The following LCOR variants were observed in gnomAD, a reference collection of about 807,000 sequenced individuals.
LCOR encodes the protein ligand dependent nuclear receptor corepressor, also known as ligand-dependent corepressor.
Under a neutral mutation model 64.4 loss-of-function variants are expected in LCOR, and 14 were observed. The ratio of observed to expected loss-of-function variants is 0.22; its 90% CI spans 0.14 to 0.34. The LOEUF is 0.34. Among genes scored for constraint, LCOR ranks in the 10% least tolerant of loss-of-function variants. LCOR has a pLI of 1.00. For missense variants in LCOR, 1,686 were observed against 1,765.3 expected, an observed-to-expected ratio of 0.96 and a Z score of 0.80; for synonymous variants, 643 against 642.5, an observed-to-expected ratio of 1.00 and a Z score of -0.01.
At chr10:96,952,889 CTGTG>C (rs1847705683) in intron 7 of LCOR, among the ~76,000 whole-genome samples, 1 of 152,076 alleles carries the variant, frequency 6.6e-6, no homozygotes. Context: ...TTCTATAAAA[CTGTG>C]TGACAAAAAA....
intron 4 of LCOR, among the ~76,000 whole-genome samples, chr10:96,933,014 G>C (rs549046518): frequency 6.6e-6 from 1 of 152,100 alleles, no homozygotes; most frequent in African/African-American, 2.4e-5. Context: ...TAAAAAACTG[G>C]TCTAATTGCA....
intron 2 of LCOR, among the ~76,000 whole-genome samples, chr10:96,868,885 A>T (rs1435536054): frequency 6.6e-6 from 1 of 152,108 alleles, no homozygotes; most frequent in African/African-American, 2.4e-5. Flanking sequence ...AAGTTGCTGG[A>T]TAGATGAATT....
chr10:96,983,636 C>T lies in LCOR; in HGVS notation c.3176C>T (p.Ser1059Leu), dbSNP rs991725255. ...TCCTTGGATGCTTCAAAAGTGACTT[C>T]AGAAAAGGAAGCTGCACAAGTAAAC... is the stretch of plus-strand genomic sequence containing the variant. ...LGSLDASKVT[S>L]EKEAAQVNPI... Residue 1059 changes from serine (S) to leucine (L), a missense_variant, in exon 8 of 8, where the codon TCA becomes TTA. By Grantham distance (145) the Ser-to-Leu change is moderately radical. Coordinates refer to ENST00000421806, the MANE Select transcript of LCOR (RefSeq NM_001346516.2). The surrounding 1 kb of genome is among the most constrained non-coding windows in gnomAD (Gnocchi z 4.5). 3 of 1,614,134 alleles carry T rather than the reference C, an allele frequency of 1.9e-6. No homozygotes were observed. In the Admixed American group the frequency reaches 5.0e-5, roughly 27 times the overall value.
At chr10:96,964,351 C>T (rs897606197) in intron 7 of LCOR, 5 of 151,836 alleles carry the variant, frequency 3.3e-5, no homozygotes, top group South Asian at 2.1e-4. Flanking sequence ...GAAACATTCC[C>T]AGCTGTAATG....
chr10:96,933,536 T>C (rs1308509703), intron 4 of LCOR, among the ~76,000 whole-genome samples: 2 of 152,186 alleles, frequency 1.3e-5, no homozygotes, highest in African/African-American at 4.8e-5. Context: ...AAAGACTCTT[T>C]TTGAGATGGA....
Position 96,955,384 on chromosome 10 carries a change from T to C in LCOR, c.332+3188T>C, listed in dbSNP as rs553995782. On this transcript the variant is annotated intron_variant, in intron 7 of 7. Coordinates refer to ENST00000421806, the MANE Select transcript of LCOR (RefSeq NM_001346516.2). ...CATTCATCTCCTGTAGATTTAAAGATACCACAAGTTCGAGGAATGGATCTT... is the reference window on the plus strand; with the variant it reads ...CATTCATCTCCTGTAGATTTAAAGACACCACAAGTTCGAGGAATGGATCTT... 1.9e-6 allele frequency: 3 copies of C among 1,614,204 alleles called. No homozygotes were observed. In the South Asian group the frequency reaches 3.3e-5, roughly 18 times the overall value.
At chr10:96,906,879 T>C (rs556894015) in intron 2 of LCOR, among the ~76,000 whole-genome samples, 1 of 152,310 alleles carries the variant, frequency 6.6e-6, no homozygotes, top group African/African-American at 2.4e-5. Context: ...AAATGCTATT[T>C]AGATTATTTT....
intron 7 of LCOR, chr10:96,956,661 A>T: frequency 2.0e-6 from 2 of 985,906 alleles, no homozygotes; most frequent in South Asian, 9.4e-5. Flanking sequence ...CTGTAATTTC[A>T]TTTGAGATTT....
At chr10:96,962,904 C>T (rs1485155303) in intron 7 of LCOR, 1 of 152,234 alleles carries the variant, frequency 6.6e-6, no homozygotes, top group Non-Finnish European at 1.5e-5. Context: ...AGCTTGTACA[C>T]ACTGTTTAAA....
chr10:96,878,085 A>T (rs142473407), intron 2 of LCOR, among the ~76,000 whole-genome samples: 66 of 152,352 alleles, frequency 4.3e-4, no homozygotes, highest in African/African-American at 1.5e-3. Flanking sequence ...GCAGATTATC[A>T]GTATATGCTA....
rs138068994 is a variant in LCOR, at chr10:96,871,180, T to G, written c.-329-36085T>G. ...CAAGAGATCCTCCTGCCTTAGCCTC[T>G]CAAGTAGCTAGGCTTACAGGCATGT... is the stretch of plus-strand genomic sequence containing the variant. On this transcript the variant is annotated intron_variant, in intron 2 of 7. Coordinates refer to ENST00000421806, the MANE Select transcript of LCOR (RefSeq NM_001346516.2). 5.9e-3 allele frequency among the ~76,000 whole-genome samples: 894 copies of G among 151,304 alleles called. 6 individuals are homozygous for G. The highest frequency in any genetic ancestry group is 8.9e-3 in the Non-Finnish European group (603 of 67,900).
At position 96,995,581 on chromosome 10, in the gene LCOR, T is replaced by C. The variant is rs1405359728; in HGVS notation, c.*10447T>C. 1 of 152,220 alleles carries C rather than the reference T, an allele frequency of 6.6e-6. No individual in the cohort carries two copies. Among genetic ancestry groups the C allele is most frequent in the Non-Finnish European group, 1.5e-5 (1 of 68,036 alleles). The allele number at this position is 152,220 out of a possible 1,614,324, so 9.4% of individuals were successfully genotyped here. ...CACCTGAAGAACCTTTGAGAGTGTA[T>C]ATATAAAATTTTAAAATATATTAAG... On this transcript the variant is annotated 3_prime_UTR_variant, in exon 8 of 8. Coordinates refer to ENST00000421806, the MANE Select transcript of LCOR (RefSeq NM_001346516.2). The surrounding 1 kb of genome is among the most constrained non-coding windows in gnomAD (Gnocchi z 4.2).
rs1401947667 is a variant in LCOR, at chr10:96,860,889, T to TA, written c.-330+27413dup. Among the ~76,000 whole-genome samples the TA allele has an allele frequency of 3.3e-5, 5 of 152,234 alleles. No individual in the cohort carries two copies. In the East Asian group the frequency reaches 9.6e-4, roughly 29 times the overall value. On this transcript the variant is annotated intron_variant, in intron 2 of 7. Transcript: ENST00000421806. ...AAGAAATAAAGTGAAACGCCTACAG[T>TA]AAATACATGCCAATATCCTGAGTAT...
chr10:96,935,946 G>A lies in LCOR; in HGVS notation c.-183-8167G>A, dbSNP rs540571882. On this transcript the variant is annotated intron_variant, in intron 4 of 7. Coordinates refer to ENST00000421806, the MANE Select transcript of LCOR (RefSeq NM_001346516.2). ...TGAAGATCTGTGTGAATAGTTAAGA[G>A]ACACCTGGAAGGTCCATCATATTCG... Among the ~76,000 whole-genome samples, 5 of 152,372 alleles carry A rather than the reference G, an allele frequency of 3.3e-5. No individual in the cohort carries two copies. In the South Asian group the frequency reaches 6.2e-4, roughly 19 times the overall value.
At chr10:96,915,843 G>A (rs1846932404) in intron 4 of LCOR, 1 of 516,798 alleles carries the variant, frequency 1.9e-6, no homozygotes, top group African/African-American at 2.0e-5. Flanking sequence ...CTTCTCTGTG[G>A]TTAGTCCTTT....
chr10:96,983,226 G>A lies in LCOR; in HGVS notation c.2766G>A (p.Glu922=), dbSNP rs769376463. 6 of 1,614,048 alleles carry A rather than the reference G, an allele frequency of 3.7e-6. No homozygotes were observed. The highest frequency in any genetic ancestry group is 1.1e-5 in the South Asian group (1 of 91,090). ...ACATGCTGGACAAAGAAGTCAAGGA[G>A]TTACGAGGAGAGATTTTCCCCAGCA... ...LKNMLDKEVK[E]LRGEIFPSRD... is the part of the protein sequence containing the mutation. Residue 922 remains glutamate (E), a synonymous_variant, in exon 8 of 8, where the codon GAG becomes GAA. Coordinates refer to ENST00000421806, the MANE Select transcript of LCOR (RefSeq NM_001346516.2). This position sits in a 1 kb window ranked among gnomAD's most constrained non-coding sequence, Gnocchi z 4.5.
intron 4 of LCOR, among the ~76,000 whole-genome samples, chr10:96,916,273 C>T (rs1488849436): frequency 1.3e-5 from 2 of 151,990 alleles, no homozygotes; most frequent in Non-Finnish European, 2.9e-5. Flanking sequence ...CCTCGTGATC[C>T]GCCCACCTCG....
At chr10:96,948,911 A>G in intron 5 of LCOR, 97 bp from the exon 6 acceptor site, 1 of 944,342 alleles carries the variant, frequency 1.1e-6, no homozygotes, top group Non-Finnish European at 1.6e-6. Context: ...AGATAACTGC[A>G]TTTTAAGAAA....
chr10:96,879,236 A>C (rs1490587453), intron 2 of LCOR, among the ~76,000 whole-genome samples: 1 of 152,246 alleles, frequency 6.6e-6, no homozygotes, highest in Non-Finnish European at 1.5e-5. Context: ...GATGAAGCAC[A>C]AAGAAATTAA....
Sources: gnomAD v4.1 joint callset for allele counts (sites outside exome capture counted in the v4.1 genomes callset) on GRCh38, gnomAD v4.1.1 for gene constraint, Gnocchi (gnomAD v3.1) non-coding constraint, MANE v1.5 for transcripts, NCBI Gene and HGNC (gene_info 2026-07-23, HGNC 2026-07-21) for gene names.